The following EXOC4 variants were observed in gnomAD, a reference collection of about 807,000 sequenced individuals.
EXOC4 encodes exocyst complex component 4.
A neutral mutation model predicts 107.2 loss-of-function variants in EXOC4; 71 were observed. The observed-to-expected ratio is 0.66, with a 90% CI of 0.55 to 0.81. The LOEUF is 0.81. EXOC4 is among the 30% of genes least tolerant of loss of function. The pLI is 0.00. For missense variants in EXOC4, 1,108 were observed against 1,189.6 expected (o/e 0.93, Z 1.01); for synonymous variants, 456 against 441.2 (o/e 1.03, Z -0.42).
intron 7 of EXOC4, among the ~76,000 whole-genome samples, chr7:133,468,530 C>T (rs1798789538): frequency 6.6e-6 from 1 of 152,128 alleles, no homozygotes; most frequent in African/African-American, 2.4e-5. Context: ...ATTTCAGTCT[C>T]TTGGCTGTAA....
intron 10 of EXOC4, among the ~76,000 whole-genome samples, chr7:133,639,097 T>A (rs867627171): frequency 6.6e-6 from 1 of 152,236 alleles, no homozygotes; most frequent in African/African-American, 2.4e-5. Context: ...TTTTGAAATC[T>A]GAATTGATAA....
chr7:133,720,086 A>G (rs1485993339), intron 10 of EXOC4, among the ~76,000 whole-genome samples: 1 of 152,148 alleles, frequency 6.6e-6, no homozygotes, highest in African/African-American at 2.4e-5. Flanking sequence ...TCACTGTATT[A>G]CCAGTTCCTA....
chr7:133,715,055 A>G (rs995960543), intron 10 of EXOC4, among the ~76,000 whole-genome samples: 1 of 152,122 alleles, frequency 6.6e-6, no homozygotes, highest in African/African-American at 2.4e-5. Context: ...CATGATCATC[A>G]CAAAAGAGCA....
intron 6 of EXOC4, among the ~76,000 whole-genome samples, chr7:133,373,870 A>G (rs957764196): frequency 6.6e-6 from 1 of 152,262 alleles, no homozygotes; most frequent in Non-Finnish European, 1.5e-5. Flanking sequence ...TGAAAGATTA[A>G]TAATGGAGAA....
chr7:133,630,398 C>T (rs899420148), intron 10 of EXOC4, among the ~76,000 whole-genome samples: 2 of 152,064 alleles, frequency 1.3e-5, no homozygotes, highest in African/African-American at 2.4e-5. Context: ...CTCTCCTGCC[C>T]TCTTCCCTTC....
intron 10 of EXOC4, among the ~76,000 whole-genome samples, chr7:133,749,434 T>C (rs548215084): frequency 1.3e-5 from 2 of 152,144 alleles, no homozygotes; most frequent in Non-Finnish European, 2.9e-5. Flanking sequence ...ACTCTGTCTC[T>C]CATTGTGGAG....
At chr7:133,782,850 T>C (rs1428107743) in intron 10 of EXOC4, among the ~76,000 whole-genome samples, 1 of 152,174 alleles carries the variant, frequency 6.6e-6, no homozygotes, top group African/African-American at 2.4e-5. Flanking sequence ...TTAGTCTCCA[T>C]AGACCTTCCC....
intron 17 of EXOC4, among the ~76,000 whole-genome samples, chr7:134,049,893 T>C (rs1046620706): frequency 6.6e-6 from 1 of 152,184 alleles, no homozygotes; most frequent in Non-Finnish European, 1.5e-5. Context: ...ACACAGTCTT[T>C]GACATCAAGG....
At chr7:133,419,571 G>GT (rs945120933) in intron 7 of EXOC4, among the ~76,000 whole-genome samples, 3 of 152,092 alleles carry the variant, frequency 2.0e-5, no homozygotes, top group African/African-American at 7.2e-5. Flanking sequence ...ATTTATTTGA[G>GT]TATTGTTCTG....
intron 6 of EXOC4, among the ~76,000 whole-genome samples, chr7:133,361,017 G>T (rs921009821): frequency 6.6e-6 from 1 of 152,114 alleles, no homozygotes; most frequent in Non-Finnish European, 1.5e-5. Context: ...TTCAGTACTG[G>T]TGTATCTCCA....
intron 9 of EXOC4, among the ~76,000 whole-genome samples, chr7:133,590,109 C>G (rs1459356620): frequency 6.6e-6 from 1 of 151,986 alleles, no homozygotes; most frequent in Non-Finnish European, 1.5e-5. Flanking sequence ...CTCTCCTTGT[C>G]TAAGTCTCGA....
At chr7:133,499,300 G>A (rs1265485052) in intron 9 of EXOC4, among the ~76,000 whole-genome samples, 1 of 152,142 alleles carries the variant, frequency 6.6e-6, no homozygotes, top group African/African-American at 2.4e-5. Flanking sequence ...CACTGGTATA[G>A]TAAGCACCTA....
At chr7:133,877,365 T>C (rs1798871970) in intron 11 of EXOC4, among the ~76,000 whole-genome samples, 1 of 152,170 alleles carries the variant, frequency 6.6e-6, no homozygotes, top group Admixed American at 6.5e-5. Context: ...TTTTTTTACA[T>C]TGTTAAGTGC....
chr7:133,737,156 T>C lies in EXOC4; in HGVS notation c.1515-80169T>C, dbSNP rs184969318. Among the ~76,000 whole-genome samples, 349 of 152,318 alleles carry C rather than the reference T, an allele frequency of 2.3e-3. 3 individuals carry two copies. Among genetic ancestry groups the C allele is most frequent in the South Asian group, 0.012 (59 of 4,830 alleles). ...ACAATTATAATAACCTAGTAGCTGG[T>C]CTTTACTATGTACCACACACTGCTG... On this transcript the variant is annotated intron_variant, in intron 10 of 17. Coordinates refer to ENST00000253861, the MANE Select transcript of EXOC4 (RefSeq NM_021807.4).
chr7:133,350,109 C>A (rs1427739455), intron 5 of EXOC4, among the ~76,000 whole-genome samples: 1 of 151,688 alleles, frequency 6.6e-6, no homozygotes, highest in Non-Finnish European at 1.5e-5. Flanking sequence ...AATTTTTTGT[C>A]CTATTCTGTT....
At chr7:133,823,825 C>CATAT (rs1353272770) in intron 11 of EXOC4, among the ~76,000 whole-genome samples, 1 of 46,924 alleles carries the variant, frequency 2.1e-5, no homozygotes, top group Admixed American at 3.8e-4. Flanking sequence ...AAAATACATA[C>CATAT]ATATATATAT....
chr7:133,421,783 C>T (rs1296413824), intron 7 of EXOC4, among the ~76,000 whole-genome samples: 1 of 152,168 alleles, frequency 6.6e-6, no homozygotes, highest in Non-Finnish European at 1.5e-5. Flanking sequence ...AATCTCCTAA[C>T]TACTCATTCA....
At chr7:133,898,296 A>G (rs1161264543) in intron 12 of EXOC4, among the ~76,000 whole-genome samples, 2 of 152,116 alleles carry the variant, frequency 1.3e-5, no homozygotes, top group Non-Finnish European at 2.9e-5. Flanking sequence ...GGATACACCA[A>G]TAACAATTGT....
intron 15 of EXOC4, among the ~76,000 whole-genome samples, chr7:134,000,674 A>G (rs1450752420): frequency 6.6e-6 from 1 of 152,112 alleles, no homozygotes; most frequent in Non-Finnish European, 1.5e-5. Context: ...ATTCTCATCA[A>G]CTAATGTTTG....
Sources: allele counts gnomAD v4.1 joint callset (sites outside exome capture counted in the v4.1 genomes callset), GRCh38; gene constraint gnomAD v4.1.1; transcripts MANE v1.5; gene names NCBI Gene and HGNC (gene_info 2026-07-23, HGNC 2026-07-21).